MGST1: variants seen among roughly 807,000 people sequenced by gnomAD.
The protein encoded by MGST1 is glutathione S-transferase 12.
MGST1 carries 5 observed loss-of-function variants against 8.9 expected under a neutral mutation model. The ratio of observed to expected loss-of-function variants is 0.56; its 90% CI spans 0.29 to 1.19. The LOEUF (loss-of-function observed/expected upper bound fraction) is 1.19, where lower values mean the gene tolerates loss of function less well. Ranked by LOEUF, MGST1 falls within the 50% of genes most tolerant of loss-of-function variation. The pLI is 0.08. For missense variants in MGST1, 182 were observed against 187.4 expected, an observed-to-expected ratio of 0.97 and a Z score of 0.17; for synonymous variants, 54 against 67.8, an observed-to-expected ratio of 0.80 and a Z score of 1.00.
At position 16,458,759 on chromosome 12, in the gene MGST1, T is replaced by G. The variant is rs1410692598; in HGVS notation, n.482+75155T>G. On this transcript the variant is annotated intron_variant and non_coding_transcript_variant, in intron 4 of 4. Transcript: ENST00000538857. The surrounding 1 kb of genome is among the most constrained non-coding windows in gnomAD (Gnocchi z 4.0). ...CATATGACTGGAATTGCAGCTTGCC[T>G]GCTGCAGTGCTTTGCAGTTATTCGG... Among the ~76,000 whole-genome samples, 3 of 152,090 alleles carry G rather than the reference T, an allele frequency of 2.0e-5. No homozygotes were observed. The highest frequency in any genetic ancestry group is 4.4e-5 in the Non-Finnish European group (3 of 67,974).
intron 4 of MGST1, among the ~76,000 whole-genome samples, chr12:16,543,843 T>C (rs915448487): frequency 5.3e-5 from 8 of 152,104 alleles, no homozygotes; most frequent in African/African-American, 1.9e-4. Context: ...AGTTAAACAG[T>C]AATCAAGCTA....
chr12:16,525,440 A>T (rs11503000), intron 4 of MGST1, among the ~76,000 whole-genome samples: 63,282 of 151,116 alleles, frequency 0.42, 13,568 homozygotes, highest in Admixed American at 0.53. Context: ...GATGTTTTCC[A>T]GTTTCATCCA....
intron 1 of MGST1, among the ~76,000 whole-genome samples, chr12:16,393,020 C>T (rs1940567845): frequency 1.3e-5 from 2 of 152,096 alleles, no homozygotes; most frequent in Non-Finnish European, 2.9e-5. Context: ...ATGCTCTTGG[C>T]CATTCTAATG....
intron 4 of MGST1, chr12:16,549,072 T>C (rs1941891632): frequency 6.6e-6 from 1 of 152,124 alleles, no homozygotes; most frequent in Non-Finnish European, 1.5e-5. Flanking sequence ...ATCATCTGAA[T>C]AAGATCCTGA....
In MGST1 at chr12:16,400,293, A is replaced by G; in HGVS notation, n.778+16689A>G. ...GCAAGACAATAATCATTACTCCATC[A>G]CAGAGCTGGAATGAAGCATGCTTAA... On this transcript the variant is annotated intron_variant and non_coding_transcript_variant, in intron 1 of 1. Coordinates refer to the MGST1 transcript ENST00000359720. 1.1e-5 allele frequency: 9 copies of G among 795,290 alleles called. No homozygotes were observed. The South Asian group carries it at 1.3e-4, about 11-fold the overall frequency. 49.3% of individuals were successfully genotyped at this position (795,290 alleles called of 1,614,324 possible). A position where few individuals can be genotyped will look rare whatever the true frequency, so the allele number is the denominator to read the frequency against.
chr12:16,435,569 T>G (rs1169051806), intron 1 of MGST1, among the ~76,000 whole-genome samples: 1 of 151,972 alleles, frequency 6.6e-6, no homozygotes, highest in Non-Finnish European at 1.5e-5. Context: ...CTTAGTATTC[T>G]CAGAAGAAAA....
At chr12:16,564,957 T>TA (rs200049658) in intron 4 of MGST1, among the ~76,000 whole-genome samples, 290 of 150,534 alleles carry the variant, frequency 1.9e-3, no homozygotes, top group Middle Eastern at 0.014. Context: ...GGCTAATTTT[T>TA]AAAAAAAAAA....
At chr12:16,364,803 G>A (rs947583773), downstream of MGST1, among the ~76,000 whole-genome samples, 31 of 152,160 alleles carry the variant, frequency 2.0e-4, no homozygotes, top group African/African-American at 7.2e-4. The surrounding 1 kb of genome is among the most constrained non-coding windows in gnomAD (Gnocchi z 5.7). Flanking sequence ...AGGATTCAAA[G>A]ATCAAACATT....
At chr12:16,561,133 A>G (rs1234561248) in intron 4 of MGST1, among the ~76,000 whole-genome samples, 1 of 152,202 alleles carries the variant, frequency 6.6e-6, no homozygotes, top group Non-Finnish European at 1.5e-5. Flanking sequence ...ATATATAGCT[A>G]GACCAGAAAT....
Position 16,560,587 on chromosome 12 carries a change from C to A in MGST1, n.483-28941C>A, listed in dbSNP as rs1051837387. 4 of 1,544,004 alleles carry A rather than the reference C, an allele frequency of 2.6e-6. No individual in the cohort carries two copies. Among genetic ancestry groups the A allele is most frequent in the Non-Finnish European group, 3.6e-6 (4 of 1,126,298 alleles). On this transcript the variant is annotated intron_variant and non_coding_transcript_variant, in intron 4 of 4. Transcript: ENST00000538857. The surrounding 1 kb of genome is among the most constrained non-coding windows in gnomAD (Gnocchi z 5.0). Reference sequence around the variant, plus strand: ...TTTTTACAAACTCTTACAGAGAAATCTGAGATCGTGAAGAGAGATGATGTT... The same window carrying A: ...TTTTTACAAACTCTTACAGAGAAATATGAGATCGTGAAGAGAGATGATGTT...
chr12:16,592,573 C>T (rs1199883795), downstream of MGST1, among the ~76,000 whole-genome samples: 1 of 151,956 alleles, frequency 6.6e-6, no homozygotes, highest in African/African-American at 2.4e-5. Context: ...ATCCACTTCC[C>T]TTACTCCTAC....
intron 4 of MGST1, among the ~76,000 whole-genome samples, chr12:16,488,938 A>C (rs1051791340): frequency 2.0e-5 from 3 of 151,952 alleles, no homozygotes; most frequent in Admixed American, 1.3e-4. Flanking sequence ...GTGAGACCCC[A>C]TCTGTACAAA....
chr12:16,576,780 C>T lies in MGST1; in HGVS notation n.483-12748C>T, dbSNP rs1943008044. On this transcript the variant is annotated intron_variant and non_coding_transcript_variant, in intron 4 of 4. Coordinates refer to the MGST1 transcript ENST00000538857. The surrounding 1 kb of genome is among the most constrained non-coding windows in gnomAD (Gnocchi z 4.1). ...CATACAGGGATTTTACTTATGACCC[C>T]TAGATTAGTACCATCTATTTTTAAA... Among the ~76,000 whole-genome samples the T allele has an allele frequency of 6.6e-6, 1 of 152,196 alleles. No homozygotes were observed. Among genetic ancestry groups the T allele is most frequent in the Admixed American group, 6.5e-5 (1 of 15,280 alleles).
chr12:16,514,161 G>A (rs1941595268), intron 4 of MGST1: 1 of 351,724 alleles, frequency 2.8e-6, no homozygotes, highest in Non-Finnish European at 5.5e-6. Flanking sequence ...GGATGCCTGG[G>A]CTGTGCGCCA....
intron 4 of MGST1, among the ~76,000 whole-genome samples, chr12:16,487,161 A>G (rs1200013665): frequency 6.6e-6 from 1 of 152,154 alleles, no homozygotes; most frequent in Non-Finnish European, 1.5e-5. Flanking sequence ...GTCTCTCAAA[A>G]AAAGCTTTTC....
At chr12:16,407,139 TAGG>T (rs1457219870) in intron 1 of MGST1, among the ~76,000 whole-genome samples, 1 of 152,094 alleles carries the variant, frequency 6.6e-6, no homozygotes, top group African/African-American at 2.4e-5. Flanking sequence ...ACCTACAGAA[TAGG>T]AGAAAATATT....
chr12:16,566,398 C>A (rs564907452), intron 4 of MGST1, among the ~76,000 whole-genome samples: 1 of 151,824 alleles, frequency 6.6e-6, no homozygotes, highest in African/African-American at 2.4e-5. Context: ...AGAAGAGAAG[C>A]TTTTGAATGT....
At chr12:16,552,142 G>A (rs925012506) in intron 4 of MGST1, among the ~76,000 whole-genome samples, 1 of 151,910 alleles carries the variant, frequency 6.6e-6, no homozygotes, top group African/African-American at 2.4e-5. Context: ...ATTTCCCCAC[G>A]GTGACACTTT....
chr12:16,404,414 T>A (rs1471306145), intron 1 of MGST1, among the ~76,000 whole-genome samples: 5 of 152,124 alleles, frequency 3.3e-5, no homozygotes, highest in African/African-American at 1.2e-4. Context: ...TACAGTGCAT[T>A]TAGTTCATTT....
Sources: allele counts gnomAD v4.1 joint callset (sites outside exome capture counted in the v4.1 genomes callset), GRCh38; gene constraint gnomAD v4.1.1; non-coding constraint Gnocchi (gnomAD v3.1); transcripts MANE v1.5; gene names NCBI Gene and HGNC (gene_info 2026-07-23, HGNC 2026-07-21).